The following ACOX2 variants were observed in gnomAD, a reference collection of about 807,000 sequenced individuals.
ACOX2 encodes the protein acyl-CoA oxidase 2.
ACOX2 carries 59 observed loss-of-function variants against 77.5 expected under a neutral mutation model. That is an observed-to-expected ratio of 0.76 (90% CI 0.62 to 0.95). ACOX2 has a LOEUF of 0.95. Ranked by LOEUF, ACOX2 falls within the 40% of genes least tolerant of loss-of-function variation. The pLI is 0.00. For missense variants in ACOX2, 837 were observed against 880.4 expected, an observed-to-expected ratio of 0.95 and a Z score of 0.62; for synonymous variants, 317 against 340.1, an observed-to-expected ratio of 0.93 and a Z score of 0.75.
chr3:58,520,792 C>T (rs1289870158), intron 12 of ACOX2, among the ~76,000 whole-genome samples: 1 of 152,164 alleles, frequency 6.6e-6, no homozygotes, highest in Admixed American at 6.5e-5. Context: ...GTGTTCTTCC[C>T]CCGCAGGCTG....
In ACOX2 at chr3:58,524,967, A is replaced by G. The variant is rs1206675435; in HGVS notation, c.1347-362T>C. On this transcript the variant is annotated intron_variant, in intron 10 of 14. Coordinates refer to ENST00000302819, the MANE Select transcript of ACOX2 (RefSeq NM_003500.4). The surrounding 1 kb of genome is among the most constrained non-coding windows in gnomAD (Gnocchi z 5.5). ...ATTAAATTTTCTTAGCTGAAAAAAG[A>G]AGGATAGAGGCAAGAATGCTAACAG... 1.3e-5 allele frequency among the ~76,000 whole-genome samples: 2 copies of G among 152,218 alleles called. No individual in the cohort carries two copies. The highest frequency in any genetic ancestry group is 4.8e-5 in the African/African-American group (2 of 41,468).
intron 13 of ACOX2, among the ~76,000 whole-genome samples, chr3:58,510,668 ATATAT>A (rs2063276013): frequency 1.4e-4 from 1 of 7,396 alleles, no homozygotes; most frequent in African/African-American, 6.4e-4. Flanking sequence ...AAAAAAATAT[ATATAT>A]ATATATATAT....
chr3:58,516,048 T>C (rs971564060), intron 13 of ACOX2, among the ~76,000 whole-genome samples: 7 of 152,144 alleles, frequency 4.6e-5, no homozygotes, highest in South Asian at 4.1e-4. Flanking sequence ...GGTTTTGATA[T>C]GTTTTTAAAG....
intron 9 of ACOX2, among the ~76,000 whole-genome samples, chr3:58,527,866 A>AT (rs34861027): frequency 0.096 from 12,720 of 131,892 alleles, 926 homozygotes; most frequent in African/African-American, 0.22. Flanking sequence ...CTAATTTTTC[A>AT]TTTTTTTTTT....
rs906763116 is a variant in ACOX2, at chr3:58,534,204, C to G, written c.324-59G>C. On this transcript the variant is annotated intron_variant, in intron 3 of 14. Transcript: ENST00000302819. This position sits in a 1 kb window ranked among gnomAD's most constrained non-coding sequence, Gnocchi z 4.8. ...ATTGGAGACAGGGGCCCAGGTACCC[C>G]CTGCCTGAGCAGAGTACAGGAGATA... 1 of 1,605,904 alleles carries G rather than the reference C, an allele frequency of 6.2e-7. No individual in the cohort carries two copies. Among genetic ancestry groups the G allele is most frequent in the Non-Finnish European group, 8.5e-7 (1 of 1,176,406 alleles).
chr3:58,516,746 G>A (rs1383033911), intron 13 of ACOX2, among the ~76,000 whole-genome samples: 1 of 152,074 alleles, frequency 6.6e-6, no homozygotes, highest in Non-Finnish European at 1.5e-5. Flanking sequence ...GCTGAAGCAG[G>A]AGAATCACTT....
At chr3:58,511,333 G>T in intron 13 of ACOX2, 1 of 371,634 alleles carries the variant, frequency 2.7e-6, no homozygotes. Flanking sequence ...TGAAAAAGTG[G>T]GAAAGTGGTG....
In ACOX2 at chr3:58,515,959, G is replaced by T. The variant is rs1313108835; in HGVS notation, c.1850+1247C>A. Among the ~76,000 whole-genome samples the T allele has an allele frequency of 6.8e-6, 1 of 148,108 alleles. No individual in the cohort carries two copies. The highest frequency in any genetic ancestry group is 2.5e-5 in the African/African-American group (1 of 40,328). Reference sequence around the variant, plus strand: ...TCATTTTTTGTAGAGGTGGGGTTTTGCCATGTTGCCCAGGCTTTTTTTTTT... The same window carrying T: ...TCATTTTTTGTAGAGGTGGGGTTTTTCCATGTTGCCCAGGCTTTTTTTTTT... On this transcript the variant is annotated intron_variant, in intron 13 of 14. Coordinates refer to ENST00000302819, the MANE Select transcript of ACOX2 (RefSeq NM_003500.4). The surrounding 1 kb of genome is among the most constrained non-coding windows in gnomAD (Gnocchi z 4.0).
rs940690073 is a variant in ACOX2, at chr3:58,525,816, A to G, written c.1346+650T>C. 1.3e-5 allele frequency among the ~76,000 whole-genome samples: 2 copies of G among 152,126 alleles called. No individual in the cohort carries two copies. Among genetic ancestry groups the G allele is most frequent in the Non-Finnish European group, 2.9e-5 (2 of 68,018 alleles). On this transcript the variant is annotated intron_variant, in intron 10 of 14. Transcript: ENST00000302819. This position sits in a 1 kb window ranked among gnomAD's most constrained non-coding sequence, Gnocchi z 5.0. ...GGCAGGTGGATCACCTGAGGTCAGG[A>G]GTTGGAGAGCAGCCTGGCCAACATG... is the stretch of plus-strand genomic sequence containing the variant.
In ACOX2 at chr3:58,505,915, C is replaced by G. The variant is rs541491947; in HGVS notation, c.1984-629G>C. Among the ~76,000 whole-genome samples, 1 of 152,066 alleles carries G rather than the reference C, an allele frequency of 6.6e-6. No homozygotes were observed. Among genetic ancestry groups the G allele is most frequent in the Non-Finnish European group, 1.5e-5 (1 of 68,014 alleles). ...AAGCGATTCTTGTGCCTCAGCCTCC[C>G]GAGTACCTTGGATTACAGGGGTGCA... On this transcript the variant is annotated intron_variant, in intron 14 of 14. Coordinates refer to ENST00000302819, the MANE Select transcript of ACOX2 (RefSeq NM_003500.4). The surrounding 1 kb of genome is among the most constrained non-coding windows in gnomAD (Gnocchi z 4.4).
At position 58,526,188 on chromosome 3, in the gene ACOX2, C is replaced by A. The variant is rs554705847; in HGVS notation, c.1346+278G>T. 6.6e-6 allele frequency among the ~76,000 whole-genome samples: 1 copy of A among 152,212 alleles called. No individual in the cohort carries two copies. Among genetic ancestry groups the A allele is most frequent in the Non-Finnish European group, 1.5e-5 (1 of 68,012 alleles). On this transcript the variant is annotated intron_variant, in intron 10 of 14. Transcript: ENST00000302819. The surrounding 1 kb of genome is among the most constrained non-coding windows in gnomAD (Gnocchi z 4.3). ...ATTTCAAACCAGAGAAAGATGTGAT[C>A]CTCCCTAGGCTCTGAACAGATCCCT...
At chr3:58,516,889 C>T (rs1253804812) in intron 13 of ACOX2, among the ~76,000 whole-genome samples, 2 of 152,100 alleles carry the variant, frequency 1.3e-5, no homozygotes, top group Non-Finnish European at 2.9e-5. Context: ...ATTATTAGCA[C>T]ATTAGCACAT....
Position 58,515,126 on chromosome 3 carries a change from C to T in ACOX2, c.1850+2080G>A, listed in dbSNP as rs555509769. On this transcript the variant is annotated intron_variant, in intron 13 of 14. Coordinates refer to ENST00000302819, the MANE Select transcript of ACOX2 (RefSeq NM_003500.4). This position sits in a 1 kb window ranked among gnomAD's most constrained non-coding sequence, Gnocchi z 4.0. ...GCAGCCTCTGCCTCCCGGGTTCAAGCGATTCTGCCTCAGCCTCCCAAGTAA... is the reference window on the plus strand; with the variant it reads ...GCAGCCTCTGCCTCCCGGGTTCAAGTGATTCTGCCTCAGCCTCCCAAGTAA... 3.3e-5 allele frequency among the ~76,000 whole-genome samples: 5 copies of T among 152,060 alleles called. No individual in the cohort carries two copies. The highest frequency in any genetic ancestry group is 3.9e-4 in the East Asian group (2 of 5,180).
Position 58,517,280 on chromosome 3 carries a change from G to C in ACOX2, c.1776C>G (p.Leu592=). The change falls in exon 13 of 15, where the codon CTC becomes CTG. Residue 592 remains leucine (L), a synonymous_variant. Transcript: ENST00000302819. ...HGILTNSGDF[L]HDAFLSGAQV... is the part of the protein sequence containing the mutation. ...GGGCACCAGACAGGAAGGCGTCATGGAGAAAGTCACCCGAGTTAGTCAAGA... is the reference window on the plus strand; with the variant it reads ...GGGCACCAGACAGGAAGGCGTCATGCAGAAAGTCACCCGAGTTAGTCAAGA... 6.2e-7 allele frequency: 1 copy of C among 1,614,198 alleles called. No individual in the cohort carries two copies. The highest frequency in any genetic ancestry group is 1.3e-5 in the African/African-American group (1 of 75,044).
intron 8 of ACOX2, among the ~76,000 whole-genome samples, 180 bp downstream of exon 8, chr3:58,530,283 ACTC>A (rs1383910584): frequency 1.3e-5 from 2 of 152,122 alleles, no homozygotes; most frequent in Non-Finnish European, 2.9e-5. Context: ...AGCCAGAGAG[ACTC>A]CTCTGACATG....
chr3:58,511,554 A>C (rs1027581591), intron 13 of ACOX2: 2 of 174,852 alleles, frequency 1.1e-5, no homozygotes, highest in African/African-American at 4.8e-5. Flanking sequence ...CCTCATGCCC[A>C]CAAGGTACTC....
rs1462522758 is a variant in ACOX2, at chr3:58,505,785, A to G, written c.1984-499T>C. On this transcript the variant is annotated intron_variant, in intron 14 of 14. Transcript: ENST00000302819. The surrounding 1 kb of genome is among the most constrained non-coding windows in gnomAD (Gnocchi z 4.4). ...CACTAAAACTGTAAGCTCCTCGAAC[A>G]CTGGGCTTTTGACTGTTTTTTTTTG... Among the ~76,000 whole-genome samples, 1 of 145,100 alleles carries G rather than the reference A, an allele frequency of 6.9e-6. No individual in the cohort carries two copies. Among genetic ancestry groups the G allele is most frequent in the East Asian group, 2.3e-4 (1 of 4,306 alleles).
In ACOX2 at chr3:58,521,821, G is replaced by T. The variant is rs887066177; in HGVS notation, c.1632+675C>A. 1.3e-5 allele frequency among the ~76,000 whole-genome samples: 2 copies of T among 152,172 alleles called. No homozygotes were observed. The highest frequency in any genetic ancestry group is 4.8e-5 in the African/African-American group (2 of 41,446). On this transcript the variant is annotated intron_variant, in intron 12 of 14. Transcript: ENST00000302819. The surrounding 1 kb of genome is among the most constrained non-coding windows in gnomAD (Gnocchi z 4.8). ...TTGCACTTCCTCCCAAGCACACCAG[G>T]ATCCTTCTTGCTGCTTCCTTTTGCA... is the stretch of plus-strand genomic sequence containing the variant.
chr3:58,524,557 C>A lies in ACOX2; in HGVS notation c.1395G>T (p.Thr465=). Residue 465 remains threonine (T), a synonymous_variant, in exon 11 of 15, where the codon ACG becomes ACT. Transcript: ENST00000302819. The surrounding 1 kb of genome is among the most constrained non-coding windows in gnomAD (Gnocchi z 5.5). ...YLQTQMSPGS[T]PQRSLSPSVA... The stretch of plus-strand genomic sequence containing the variant: ...CAGATGGAGAGAGAGATCTCTGTGG[C>A]GTGGAGCCAGGGGACATCTGAGTCT... 6.2e-7 allele frequency: 1 copy of A among 1,614,150 alleles called. No individual in the cohort carries two copies. The highest frequency in any genetic ancestry group is 2.2e-5 in the East Asian group (1 of 44,880).
Sources: gnomAD v4.1 joint callset for allele counts (sites outside exome capture counted in the v4.1 genomes callset) on GRCh38, gnomAD v4.1.1 for gene constraint, Gnocchi (gnomAD v3.1) non-coding constraint, MANE v1.5 for transcripts, NCBI Gene and HGNC (gene_info 2026-07-23, HGNC 2026-07-21) for gene names.